Variants in TEX14 observed in about 807,000 individuals in gnomAD.
The protein encoded by TEX14 is testis expressed 14, intercellular bridge forming factor, also known as inactive serine/threonine-protein kinase TEX14.
Under a neutral mutation model 178.6 loss-of-function variants are expected in TEX14, and 168 were observed. The ratio of observed to expected loss-of-function variants is 0.94; its 90% CI spans 0.83 to 1.07. The LOEUF is 1.07. Ranked by LOEUF, TEX14 falls within the 50% of genes least tolerant of loss-of-function variation. The probability of loss-of-function intolerance (pLI) is 0.00; values close to 1 mark genes in which losing one functional copy is unlikely to be tolerated. For synonymous variants in TEX14, 626 were observed against 634.1 expected, an observed-to-expected ratio of 0.99 and a Z score of 0.19; for missense variants, 1,730 against 1,753.6, an observed-to-expected ratio of 0.99 and a Z score of 0.24.
At chr17:58,616,088 G>A in intron 7 of TEX14, 87 bp downstream of exon 7, 2 of 1,429,874 alleles carry the variant, frequency 1.4e-6, no homozygotes, top group African/African-American at 1.4e-5. Flanking sequence ...TGTTTGAGTA[G>A]AAACTCCCCA....
intron 6 of TEX14, 82 bp downstream of exon 6, chr17:58,617,456 G>A: frequency 2.1e-6 from 2 of 967,428 alleles, no homozygotes; most frequent in Non-Finnish European, 3.3e-6. Context: ...AAGGAGGCAG[G>A]AGTTGGACAA....
At chr17:58,638,655 C>T (rs1004516698) in intron 2 of TEX14, among the ~76,000 whole-genome samples, 3 of 151,992 alleles carry the variant, frequency 2.0e-5, no homozygotes, top group African/African-American at 7.3e-5. Context: ...TCTCCTGCCT[C>T]AACCTCCCGA....
intron 29 of TEX14, among the ~76,000 whole-genome samples, chr17:58,560,811 C>T (rs1374759623): frequency 6.6e-6 from 1 of 152,192 alleles, no homozygotes; most frequent in Non-Finnish European, 1.5e-5. Flanking sequence ...TCCTAGGACT[C>T]CTCTGAACAG....
chr17:58,631,721 T>C (rs931736140), intron 2 of TEX14: 10 of 148,608 alleles, frequency 6.7e-5, no homozygotes, highest in South Asian at 2.1e-4. Context: ...CAAACACTGC[T>C]ATCCCACTCG....
rs564466309 is a variant in TEX14 at position 58,611,719 on chromosome 17, T to C, written c.1006-380A>G. Among the ~76,000 whole-genome samples the C allele has an allele frequency of 4.6e-5, 7 of 152,320 alleles. No individual in the cohort carries two copies. The South Asian group carries it at 1.2e-3, about 27-fold the overall frequency. ...CAAGCCCAAGCTGCTGGGGAGAACC[T>C]GGAAGCTCAAAGGACCCTGCAGAAT... On this transcript the variant is annotated intron_variant, in intron 9 of 31. Transcript: ENST00000349033.
chr17:58,611,008 G>C lies in TEX14; in HGVS notation c.1184+153C>G, dbSNP rs531304290. Among the ~76,000 whole-genome samples, 15 of 152,314 alleles carry C rather than the reference G, an allele frequency of 9.8e-5. No individual in the cohort carries two copies. The East Asian group carries it at 2.9e-3, about 29-fold the overall frequency. On this transcript the variant is annotated intron_variant, in intron 10 of 31. Coordinates refer to ENST00000349033, the MANE Select transcript of TEX14 (RefSeq NM_031272.5). ...TCTCCAAATTCCTCTAGCCTTGGCA[G>C]ACAGGGTAAGGCATTTGGGACAGGT...
At chr17:58,612,810 AT>A (rs1288154522) in intron 9 of TEX14, among the ~76,000 whole-genome samples, 1 of 151,132 alleles carries the variant, frequency 6.6e-6, no homozygotes, top group Non-Finnish European at 1.5e-5. Flanking sequence ...TTGGAGGCTG[AT>A]GCAGGATCAT....
In TEX14 at chr17:58,602,494, T is replaced by C; in HGVS notation, c.1433A>G (p.Tyr478Cys). 6.2e-7 allele frequency: 1 copy of C among 1,614,004 alleles called. No individual in the cohort carries two copies. Among genetic ancestry groups the C allele is most frequent in the South Asian group, 1.1e-5 (1 of 91,076 alleles). Residue 478 changes from tyrosine to cysteine, a missense_variant, in exon 12 of 32, where the codon TAC becomes TGC. Tyr to Cys is a radical substitution (Grantham distance 194). Transcript: ENST00000349033. ...LEADVRLPKP[Y>C]YDIVKSGIHV... ...GATGCCTGACTTAACAATATCATAGTAAGGTTTCGGAAGCCTGACATCAGC... is the reference window on the plus strand; with the variant it reads ...GATGCCTGACTTAACAATATCATAGCAAGGTTTCGGAAGCCTGACATCAGC...
chr17:58,597,362 G>A (rs566394500), intron 14 of TEX14, among the ~76,000 whole-genome samples: 2 of 152,106 alleles, frequency 1.3e-5, no homozygotes, highest in South Asian at 4.2e-4. Context: ...TCGTGCCACT[G>A]TACTCCGGCC....
At position 58,585,878 on chromosome 17, in the gene TEX14, C is replaced by T; in HGVS notation, c.2993G>A (p.Gly998Asp). Residue 998 changes from glycine to aspartate, a missense_variant, in exon 18 of 32, where the codon GGC (glycine) becomes GAC (aspartate). Gly to Asp is a moderately conservative substitution (Grantham distance 94). This residue lies in a region of TEX14 where 941 missense variants were observed against 1,072.4 expected (regional missense o/e 0.88). Transcript: ENST00000349033. ...ATTGTTGCCCGTCTTGTCAAACTTG[C>T]CATTTCCTCTGGGCTCATCATTTTC... ...HRENDEPRGN[G>D]KFDKTGNNDC... The T allele has an allele frequency of 6.2e-7, 1 of 1,614,070 alleles. No homozygotes were observed. Among genetic ancestry groups the T allele is most frequent in the Non-Finnish European group, 8.5e-7 (1 of 1,180,018 alleles).
intron 3 of TEX14, among the ~76,000 whole-genome samples, chr17:58,624,892 A>G (rs1158243134): frequency 6.6e-6 from 1 of 152,154 alleles, no homozygotes; most frequent in African/African-American, 2.4e-5. Flanking sequence ...CAAGCACAGG[A>G]CCCAGGAATG....
Position 58,569,246 on chromosome 17 carries a change from G to A in TEX14, c.3832C>T (p.Gln1278Ter), listed in dbSNP as rs114972843. Residue 1278 changes from glutamine (Q) to a stop codon, truncating the protein, a stop_gained, in exon 26 of 32, where the codon CAG becomes TAG. Transcript: ENST00000349033. LOFTEE classifies it high-confidence loss of function. This position sits in a 1 kb window ranked among gnomAD's most constrained non-coding sequence, Gnocchi z 4.1. ...GGTGGCAGCTCATCAATGTGATGCTGTGAGAAGGCTTCTACTAGTTTTTAA... is the reference window on the plus strand; with the variant it reads ...GGTGGCAGCTCATCAATGTGATGCTATGAGAAGGCTTCTACTAGTTTTTAA... Reference protein sequence around the residue: ...RSLPKVEAFSQHHIDELPPPS... With the variant: ...RSLPKVEAFS The A allele has an allele frequency of 3.7e-6, 6 of 1,613,920 alleles. No homozygotes were observed. The East Asian group carries it at 1.3e-4, about 36-fold the overall frequency.
At chr17:58,654,201 G>A (rs990948247) in intron 1 of TEX14, among the ~76,000 whole-genome samples, 4 of 151,948 alleles carry the variant, frequency 2.6e-5, no homozygotes, top group Non-Finnish European at 4.4e-5. Flanking sequence ...AAAAAGAATT[G>A]GAGAAACTGG....
intron 29 of TEX14, 129 bp from the exon 30 acceptor site, chr17:58,559,691 G>A (rs2044234005): frequency 1.6e-6 from 1 of 629,346 alleles, no homozygotes; most frequent in African/African-American, 1.9e-5. Context: ...GCACTAACAA[G>A]AGTGTTCTCT....
chr17:58,589,809 C>CCCAAA (rs1450842267), intron 15 of TEX14, among the ~76,000 whole-genome samples: 1 of 151,778 alleles, frequency 6.6e-6, no homozygotes, highest in African/African-American at 2.4e-5. Context: ...CAGCGATCCT[C>CCCAAA]CCACCTCAGC....
intron 9 of TEX14, among the ~76,000 whole-genome samples, chr17:58,612,772 G>A (rs2045777933): frequency 6.6e-6 from 1 of 151,312 alleles, no homozygotes; most frequent in Admixed American, 6.6e-5. Context: ...GCTGGGCATG[G>A]TGGCATGCAC....
At chr17:58,563,055 A>C (rs2044304435) in intron 28 of TEX14, among the ~76,000 whole-genome samples, 1 of 143,748 alleles carries the variant, frequency 7.0e-6, no homozygotes, top group African/African-American at 2.6e-5. Context: ...CCTGGGCAAC[A>C]ATGTGAGACT....
chr17:58,647,463 C>T (rs1233881337), intron 2 of TEX14, among the ~76,000 whole-genome samples: 1 of 150,592 alleles, frequency 6.6e-6, no homozygotes, highest in Non-Finnish European at 1.5e-5. Context: ...ACCCGGGAGG[C>T]GGAGCTTGCA....
At position 58,599,616 on chromosome 17, in the gene TEX14, G is replaced by A; in HGVS notation, c.1729C>T (p.Leu577=). Residue 577 remains leucine (L), a synonymous_variant, in exon 14 of 32, where the codon CTA becomes TTA. Transcript: ENST00000349033. Reference sequence around the variant, plus strand: ...CATGGATCTGGGGCCTGAGGATCTAGTGTCCCCTCAGTGAATAAAGAGTGA... The same window carrying A: ...CATGGATCTGGGGCCTGAGGATCTAATGTCCCCTCAGTGAATAAAGAGTGA... The part of the protein sequence containing the change: ...RVHSLFTEGT[L]DPQAPDPCLM... The A allele has an allele frequency of 1.2e-6, 2 of 1,613,848 alleles. No individual in the cohort carries two copies. Among genetic ancestry groups the A allele is most frequent in the South Asian group, 1.1e-5 (1 of 91,068 alleles).
Sources: gnomAD v4.1 joint callset for allele counts (sites outside exome capture counted in the v4.1 genomes callset) on GRCh38, gnomAD v4.1.1 for gene constraint, gnomAD v4.1.1 regional missense constraint, Gnocchi (gnomAD v3.1) non-coding constraint, MANE v1.5 for transcripts, NCBI Gene and HGNC (gene_info 2026-07-23, HGNC 2026-07-21) for gene names.